Variants in LAMB1 observed in about 807,000 individuals in gnomAD.
LAMB1 encodes laminin subunit beta 1, also known as laminin subunit beta-1.
Under a neutral mutation model 222.3 loss-of-function variants are expected in LAMB1, and 121 were observed. The ratio of observed to expected loss-of-function variants is 0.54; its 90% confidence interval spans 0.47 to 0.63. The LOEUF is 0.63. Among genes scored for constraint, LAMB1 ranks in the 30% least tolerant of loss-of-function variants. LAMB1 has a pLI of 0.00. For synonymous variants in LAMB1, 794 were observed against 807.2 expected, an observed-to-expected ratio of 0.98 and a Z score of 0.28; for missense variants, 2,172 against 2,240.8, an observed-to-expected ratio of 0.97 and a Z score of 0.62.
intron 24 of LAMB1, among the ~76,000 whole-genome samples, chr7:107,943,131 A>G (rs2033031360): frequency 6.6e-6 from 1 of 152,226 alleles, no homozygotes; most frequent in African/African-American, 2.4e-5. Context: ...TGATCCGTAG[A>G]CCATACGTTC....
At chr7:107,980,537 G>T in intron 8 of LAMB1, 72 bp downstream of exon 8, 1 of 1,264,330 alleles carries the variant, frequency 7.9e-7, no homozygotes, top group Non-Finnish European at 1.1e-6. Context: ...AAGGCTTAAG[G>T]TAAGACTAGC....
Position 107,975,784 on chromosome 7 carries a change from CA to C in LAMB1, c.1093del (p.Cys365ValfsTer66), listed in dbSNP as rs1178865298. ...GTTGCGCCCCATGGTGTTGTGCTGA[CA>C]GTCATCACACACGCCTCCGCTGACG... ...GNVSGGVCDD[C>X]QHNTMGRNCE... On this transcript the variant is annotated frameshift_variant, in exon 10 of 34. Coordinates refer to ENST00000222399, the MANE Select transcript of LAMB1 (RefSeq NM_002291.3). LOFTEE classifies it high-confidence loss of function. 1 of 1,614,034 alleles carries C rather than the reference CA, an allele frequency of 6.2e-7. No homozygotes were observed.
At chr7:107,963,559 T>A (rs947579661) in intron 14 of LAMB1, among the ~76,000 whole-genome samples, 3 of 152,224 alleles carry the variant, frequency 2.0e-5, no homozygotes, top group Non-Finnish European at 4.4e-5. Flanking sequence ...TACAGGGTTA[T>A]TTTTTAATAC....
At position 107,952,155 on chromosome 7, in the gene LAMB1, C is replaced by T. The variant is rs779951619; in HGVS notation, c.3148G>A (p.Ala1050Thr). ...CNGSDCQCDKATGQCLCLPNV... is the reference protein window; with the variant it reads ...CNGSDCQCDKTTGQCLCLPNV... ...GGAAGACACAAGCACTGACCAGTGG[C>T]TTTGTCGCACTGGCAGTCAGAGCCG... The change falls in exon 23 of 34, where the codon GCC (alanine) becomes ACC (threonine). Residue 1050 changes from alanine (A) to threonine (T), a missense_variant. Transcript: ENST00000222399. 1 of 1,613,688 alleles carries T rather than the reference C, an allele frequency of 6.2e-7. No individual in the cohort carries two copies. The highest frequency in any genetic ancestry group is 8.5e-7 in the Non-Finnish European group (1 of 1,179,664).
rs375627140 is a variant in LAMB1, at chr7:107,926,389, A to G, written c.4888-30T>C. On this transcript the variant is annotated intron_variant, in intron 31 of 33. Coordinates refer to ENST00000222399, the MANE Select transcript of LAMB1 (RefSeq NM_002291.3). The stretch of plus-strand genomic sequence containing the variant: ...AAGCATGTCAATTTTCCAGCAAGAC[A>G]TTAGTTTAAGAAATGGAATTACTAT... The G allele has an allele frequency of 3.8e-6, 6 of 1,597,748 alleles. No homozygotes were observed. The African/African-American group carries it at 5.4e-5, about 14-fold the overall frequency.
intron 15 of LAMB1, among the ~76,000 whole-genome samples, chr7:107,962,242 C>G (rs1158704363): frequency 6.6e-6 from 1 of 152,218 alleles, no homozygotes; most frequent in Non-Finnish European, 1.5e-5. Flanking sequence ...ATGCATCTCT[C>G]TGCTGTTACA....
chr7:108,001,427 C>T, intron 3 of LAMB1, 131 bp downstream of exon 3: 4 of 1,016,506 alleles, frequency 3.9e-6, no homozygotes, highest in Non-Finnish European at 4.2e-6. Flanking sequence ...CAAGCCTAAT[C>T]CCGGGACTCC....
chr7:107,963,869 C>T (rs147727498), intron 14 of LAMB1, among the ~76,000 whole-genome samples: 4,876 of 152,296 alleles, frequency 0.032, 99 homozygotes, highest in Middle Eastern at 0.058. Context: ...GAGGCCAAGG[C>T]GGGCGGATCA....
chr7:107,952,244 T>C, intron 22 of LAMB1, 21 bp from the exon 23 acceptor site: 1 of 1,563,304 alleles, frequency 6.4e-7, no homozygotes. Flanking sequence ...ACATCACATT[T>C]ACTTATTGTC....
intron 26 of LAMB1, among the ~76,000 whole-genome samples, chr7:107,935,948 T>A (rs2032837307): frequency 6.6e-6 from 1 of 152,232 alleles, no homozygotes; most frequent in South Asian, 2.1e-4. Context: ...AATAGCTGGT[T>A]TCAGGCAGCC....
chr7:107,960,454 T>A lies in LAMB1; in HGVS notation c.2305A>T (p.Thr769Ser). ...IFSISALLHQTGLACECDPQG... is the reference protein window; with the variant it reads ...IFSISALLHQSGLACECDPQG... ...GCCCAGCAATACCTACCCAGGCCTG[T>A]CTGGTGTAACAGGGCAGAAATGCTA... The change falls in exon 18 of 34, where the codon ACA becomes TCA. Residue 769 changes from threonine to serine, a missense_variant. Physicochemically the swap from Thr to Ser is moderately conservative, Grantham distance 58. Coordinates refer to ENST00000222399, the MANE Select transcript of LAMB1 (RefSeq NM_002291.3). 6.2e-7 allele frequency: 1 copy of A among 1,613,588 alleles called. No individual in the cohort carries two copies. The highest frequency in any genetic ancestry group is 8.5e-7 in the Non-Finnish European group (1 of 1,179,584).
In LAMB1 at chr7:108,002,936, C is replaced by T; in HGVS notation, c.-51G>A. 6.2e-7 allele frequency: 1 copy of T among 1,610,970 alleles called. No homozygotes were observed. Among genetic ancestry groups the T allele is most frequent in the East Asian group, 2.2e-5 (1 of 44,748 alleles). On this transcript the variant is annotated 5_prime_UTR_variant, in exon 2 of 34. Coordinates refer to ENST00000222399, the MANE Select transcript of LAMB1 (RefSeq NM_002291.3). Reference sequence around the variant, plus strand: ...GCGGCAGAGGAGTGGAGAAGACGCCCGCCGAGCCGCCTGCCCTTTCTTCCC... The same window carrying T: ...GCGGCAGAGGAGTGGAGAAGACGCCTGCCGAGCCGCCTGCCCTTTCTTCCC...
rs775182474 is a variant in LAMB1 at position 107,935,576 on chromosome 7, T to G, written c.4027A>C (p.Asn1343His). 1.2e-6 allele frequency: 2 copies of G among 1,613,952 alleles called. No homozygotes were observed. Among genetic ancestry groups the G allele is most frequent in the Non-Finnish European group, 1.7e-6 (2 of 1,179,958 alleles). The change falls in exon 27 of 34, where the codon AAC (asparagine) becomes CAC (histidine). Residue 1343 changes from asparagine to histidine, a missense_variant. Physicochemically the swap from Asn to His is moderately conservative, Grantham distance 68 (BLOSUM62 1). Transcript: ENST00000222399. ...ERVNASTTEP[N>H]STVEQSALMR... ...AGGGCTGACTGCTCCACAGTGCTGT[T>G]GGGTTCTGTGGTGGAGGCATTCACC...
At chr7:107,931,523 C>G in intron 28 of LAMB1, 23 bp from the exon 29 acceptor site, 1 of 1,606,536 alleles carries the variant, frequency 6.2e-7, no homozygotes, top group Non-Finnish European at 8.5e-7. Context: ...AATAAATTAC[C>G]CAGGGAAGAC....
chr7:107,984,245 C>T (rs1484833982), intron 7 of LAMB1, among the ~76,000 whole-genome samples: 1 of 151,870 alleles, frequency 6.6e-6, no homozygotes, highest in Non-Finnish European at 1.5e-5. Context: ...GCAACTTCCA[C>T]ATCTCATTTT....
intron 31 of LAMB1, among the ~76,000 whole-genome samples, chr7:107,928,813 TTCTC>T (rs1458957769): frequency 2.6e-5 from 4 of 152,204 alleles, no homozygotes; most frequent in African/African-American, 9.7e-5. Flanking sequence ...GTTTTTATCT[TTCTC>T]AGACTTTGTG....
chr7:107,932,659 G>A, intron 27 of LAMB1: 1 of 447,098 alleles, frequency 2.2e-6, no homozygotes, highest in Non-Finnish European at 4.1e-6. Context: ...GCAAACATCT[G>A]CTATATCAAG....
At chr7:107,968,543 A>G (rs760693024) in intron 13 of LAMB1, among the ~76,000 whole-genome samples, 9 of 152,210 alleles carry the variant, frequency 5.9e-5, no homozygotes, top group Non-Finnish European at 1.2e-4. Context: ...ATCTAATCAC[A>G]TAAATTCTTA....
At position 107,985,007 on chromosome 7, in the gene LAMB1, CTTTCACCTTATTTGAACAACTAGA is replaced by C. The variant is rs2034046622; in HGVS notation, c.676+991_676+1014del. On this transcript the variant is annotated intron_variant, in intron 7 of 33. Transcript: ENST00000222399. ...GTGGGTTTTGTAAGAGAGAAAGAAA[CTTTCACCTTATTTGAACAACTAGA>C]TTTGGGGAGACTCTTTGATACAAAA... Among the ~76,000 whole-genome samples the C allele has an allele frequency of 5.9e-5, 9 of 152,118 alleles. No homozygotes were observed. The South Asian group carries it at 1.9e-3, about 32-fold the overall frequency.
Sources: allele counts gnomAD v4.1 joint callset (sites outside exome capture counted in the v4.1 genomes callset), GRCh38; gene constraint gnomAD v4.1.1; transcripts MANE v1.5; gene names NCBI Gene and HGNC (gene_info 2026-07-23, HGNC 2026-07-21).